Variants in AGBL1 observed in about 807,000 individuals in gnomAD.
AGBL1 encodes the protein AGBL carboxypeptidase 1, also known as cytosolic carboxypeptidase 4.
AGBL1 carries 130 observed loss-of-function variants against 118.9 expected under a neutral mutation model. The ratio of observed to expected loss-of-function variants is 1.09; its 90% confidence interval spans 0.95 to 1.26. The LOEUF is 1.26. AGBL1 is among the 50% of genes most tolerant of loss of function. The pLI is 0.00. For synonymous variants in AGBL1, 555 were observed against 478.9 expected (o/e 1.16, Z -2.08); for missense variants, 1,584 against 1,298.1 (o/e 1.22, Z -3.38).
At chr15:86,707,160 G>C (rs191358296) in intron 22 of AGBL1, among the ~76,000 whole-genome samples, 1 of 152,174 alleles carries the variant, frequency 6.6e-6, no homozygotes, top group African/African-American at 2.4e-5. Context: ...CTGACATACA[G>C]GGATTCCTTT....
At chr15:86,794,536 G>A (rs544914185) in intron 22 of AGBL1, among the ~76,000 whole-genome samples, 2 of 152,090 alleles carry the variant, frequency 1.3e-5, no homozygotes, top group Non-Finnish European at 2.9e-5. Flanking sequence ...GCGGATAATT[G>A]CAAAGCATTG....
At chr15:86,898,347 T>A (rs1322302531) in intron 22 of AGBL1, among the ~76,000 whole-genome samples, 2 of 152,180 alleles carry the variant, frequency 1.3e-5, no homozygotes, top group African/African-American at 4.8e-5. Context: ...AGTTTTACAT[T>A]TAAGGTTTTA....
chr15:86,311,394 GA>G (rs1450704970), intron 17 of AGBL1, among the ~76,000 whole-genome samples: 1 of 152,124 alleles, frequency 6.6e-6, no homozygotes, highest in Non-Finnish European at 1.5e-5. Flanking sequence ...TGGATAATAT[GA>G]ATTTGAAGGT....
intron 6 of AGBL1, among the ~76,000 whole-genome samples, chr15:86,244,017 C>G (rs2078678416): frequency 6.7e-6 from 1 of 148,794 alleles, no homozygotes; most frequent in South Asian, 2.1e-4. Flanking sequence ...GAGACTCTGT[C>G]TTAAAATAAA....
Position 86,166,958 on chromosome 15 carries a change from C to T in AGBL1, c.488+7932C>T, listed in dbSNP as rs561244816. Among the ~76,000 whole-genome samples the T allele has an allele frequency of 2.6e-5, 4 of 152,272 alleles. No homozygotes were observed. The South Asian group carries it at 8.3e-4, about 32-fold the overall frequency. On this transcript the variant is annotated intron_variant, in intron 5 of 22. Transcript: ENST00000614907. ...GCTGAAGCTTGTACAGCTCGTACCT[C>T]CCTATAGATTTCCCTCAGTTTTCCC...
rs185603987 is a variant in AGBL1 at position 86,669,240 on chromosome 15, T to C, written c.2995-5033T>C. 9.5e-3 allele frequency among the ~76,000 whole-genome samples: 1,446 copies of C among 152,220 alleles called. 26 individuals carry two copies. Among genetic ancestry groups the C allele is most frequent in the African/African-American group, 0.033 (1,382 of 41,560 alleles). On this transcript the variant is annotated intron_variant, in intron 21 of 22. Coordinates refer to ENST00000614907, the MANE Select transcript of AGBL1 (RefSeq NM_001386094.1). ...ATGCAGGAATAATCAGGTATGATAA[T>C]ATAAAATAACCATGGTTATATGTTT... is the stretch of plus-strand genomic sequence containing the variant.
chr15:86,741,047 G>C (rs1400788064), intron 22 of AGBL1, among the ~76,000 whole-genome samples: 3 of 152,104 alleles, frequency 2.0e-5, no homozygotes, highest in East Asian at 3.9e-4. Context: ...TCAAATGGCA[G>C]CTCCAGCCTC....
chr15:86,410,836 ATAT>A (rs1567242848), intron 18 of AGBL1, among the ~76,000 whole-genome samples: 2,329 of 107,518 alleles, frequency 0.022, 145 homozygotes, highest in Middle Eastern at 0.052. Context: ...ATATATATAT[ATAT>A]ATAATATACT....
intron 23 of AGBL1, among the ~76,000 whole-genome samples, chr15:86,984,070 G>T (rs1450713041): frequency 2.0e-5 from 3 of 152,110 alleles, no homozygotes; most frequent in African/African-American, 7.2e-5. Context: ...TTTTTGGGTT[G>T]TATGGTAAGT....
chr15:86,605,727 T>C (rs62012511), intron 21 of AGBL1, among the ~76,000 whole-genome samples: 4,204 of 151,574 alleles, frequency 0.028, 107 homozygotes, highest in East Asian at 0.14. Flanking sequence ...GTTCATATTT[T>C]ACTGACGTGG....
chr15:86,394,572 C>T (rs1459943653), intron 17 of AGBL1, among the ~76,000 whole-genome samples: 1 of 152,062 alleles, frequency 6.6e-6, no homozygotes, highest in Non-Finnish European at 1.5e-5. Context: ...GTTTACTGTT[C>T]TCAAACATCC....
intron 3 of AGBL1, among the ~76,000 whole-genome samples, chr15:86,149,390 A>G (rs1416565116): frequency 6.6e-6 from 1 of 152,182 alleles, no homozygotes; most frequent in Non-Finnish European, 1.5e-5. Flanking sequence ...CCCATCTCAC[A>G]TGCAAAGATG....
At chr15:86,987,040 G>T (rs2594322) in intron 23 of AGBL1, among the ~76,000 whole-genome samples, 1 of 151,954 alleles carries the variant, frequency 6.6e-6, no homozygotes, top group African/African-American at 2.4e-5. Context: ...TTTGAGCCAG[G>T]ATGAGCCAGG....
chr15:86,685,430 G>A (rs1049174331), intron 22 of AGBL1, among the ~76,000 whole-genome samples: 9 of 152,036 alleles, frequency 5.9e-5, no homozygotes, highest in Admixed American at 1.3e-4. Flanking sequence ...CAATAGGAAT[G>A]GAAACTAAAT....
intron 17 of AGBL1, among the ~76,000 whole-genome samples, chr15:86,328,021 C>G (rs553299429): frequency 2.0e-5 from 3 of 152,238 alleles, no homozygotes; most frequent in Admixed American, 6.5e-5. Flanking sequence ...CCTCTGTTTT[C>G]CTCTTTCTTA....
chr15:87,006,733 G>C (rs1239950019), intron 24 of AGBL1, among the ~76,000 whole-genome samples: 1 of 152,136 alleles, frequency 6.6e-6, no homozygotes, highest in African/African-American at 2.4e-5. Flanking sequence ...CAGTACTTCA[G>C]TTGGAAATGC....
chr15:86,338,684 GAA>G (rs1478612174), intron 17 of AGBL1, among the ~76,000 whole-genome samples: 1 of 152,134 alleles, frequency 6.6e-6, no homozygotes, highest in Non-Finnish European at 1.5e-5. Context: ...GTGCAAGAAA[GAA>G]AGTCATCAAG....
intron 23 of AGBL1, among the ~76,000 whole-genome samples, chr15:86,966,330 T>C (rs1373854965): frequency 4.6e-5 from 7 of 151,966 alleles, no homozygotes; most frequent in Non-Finnish European, 8.8e-5. Context: ...ATATCTTTTT[T>C]TTTTATTATT....
downstream of AGBL1, among the ~76,000 whole-genome samples, chr15:86,916,496 C>G (rs1178022841): frequency 6.6e-6 from 1 of 152,076 alleles, no homozygotes; most frequent in Non-Finnish European, 1.5e-5. Context: ...AAAAATGGAT[C>G]AGGCACTCTG....
Sources: gnomAD v4.1 joint callset for allele counts (sites outside exome capture counted in the v4.1 genomes callset) on GRCh38, gnomAD v4.1.1 for gene constraint, MANE v1.5 for transcripts, NCBI Gene and HGNC (gene_info 2026-07-23, HGNC 2026-07-21) for gene names.